S100A9: variants seen among roughly 807,000 people sequenced by gnomAD.
S100A9 encodes S100 calcium binding protein A9.
Under a neutral mutation model 4.3 loss-of-function variants are expected in S100A9, and 2 were observed. The observed-to-expected ratio is 0.47, with a 90% CI of 0.19 to 1.48. S100A9 has a LOEUF of 1.48. S100A9 is among the 40% of genes most tolerant of loss of function. The pLI is 0.24. For synonymous variants in S100A9, 67 were observed against 54.0 expected, an observed-to-expected ratio of 1.24 and a Z score of -1.06; for missense variants, 130 against 144.4, an observed-to-expected ratio of 0.90 and a Z score of 0.51.
intron 2 of S100A9, 103 bp downstream of exon 2, chr1:153,358,536 T>A (rs1571153454): frequency 1.1e-6 from 1 of 949,716 alleles, no homozygotes; most frequent in East Asian, 2.7e-5. Context: ...AGATTTGAGC[T>A]CCTGGAGCCC....
At chr1:153,359,515 A>C (rs1167857638) in intron 2 of S100A9, among the ~76,000 whole-genome samples, 2 of 151,838 alleles carry the variant, frequency 1.3e-5, no homozygotes, top group African/African-American at 2.4e-5. Flanking sequence ...GCAGAGCCTC[A>C]TGGATGGGCT....
chr1:153,360,126 T>C (rs184312081), intron 2 of S100A9, among the ~76,000 whole-genome samples: 3 of 152,156 alleles, frequency 2.0e-5, no homozygotes, highest in Non-Finnish European at 1.5e-5. Context: ...GTTTCACTAA[T>C]TGGTAACCTC....
intron 2 of S100A9, among the ~76,000 whole-genome samples, chr1:153,360,196 A>T (rs1661422731): frequency 6.6e-6 from 1 of 152,174 alleles, no homozygotes; most frequent in South Asian, 2.1e-4. Context: ...AGCAGAGTGG[A>T]ACTGGCCTCT....
chr1:153,358,502 T>C (rs1000484791), intron 2 of S100A9, 69 bp downstream of exon 2: 14 of 1,270,646 alleles, frequency 1.1e-5, no homozygotes, highest in Admixed American at 2.6e-5. Context: ...AGGATGGGAG[T>C]ATGGGCTACA....
chr1:153,360,674 C>T lies in S100A9; in HGVS notation c.181C>T (p.His61Tyr), dbSNP rs764781285. The T allele has an allele frequency of 6.2e-7, 1 of 1,613,572 alleles. No individual in the cohort carries two copies. Among genetic ancestry groups the T allele is most frequent in the Non-Finnish European group, 8.5e-7 (1 of 1,179,674 alleles). The part of the protein sequence containing the change: ...KENKNEKVIE[H>Y]IMEDLDTNAD... ...GAATAAGAATGAAAAGGTCATAGAA[C>T]ACATCATGGAGGACCTGGACACAAA... The change falls in exon 3 of 3, where the codon CAC becomes TAC. Residue 61 changes from histidine to tyrosine, a missense_variant. Coordinates refer to ENST00000368738, the MANE Select transcript of S100A9 (RefSeq NM_002965.4).
In S100A9 at chr1:153,358,414, A is replaced by G; in HGVS notation, c.131A>G (p.Asp44Gly). 1 of 1,610,134 alleles carries G rather than the reference A, an allele frequency of 6.2e-7. No individual in the cohort carries two copies. Among genetic ancestry groups the G allele is most frequent in the Non-Finnish European group, 8.5e-7 (1 of 1,177,836 alleles). ...QGEFKELVRK[D>G]LQNFLKKENK... ...GAATTCAAAGAGCTGGTGCGAAAAG[A>G]TCTGCAAAATTTTCTCAAGGTAGGG... Residue 44 changes from aspartate to glycine, a missense_variant, in exon 2 of 3, where the codon GAT becomes GGT. By Grantham distance (94) the Asp-to-Gly change is moderately conservative. Transcript: ENST00000368738.
intron 2 of S100A9, among the ~76,000 whole-genome samples, chr1:153,359,021 A>G (rs1557838765): frequency 6.6e-6 from 1 of 152,062 alleles, no homozygotes; most frequent in Non-Finnish European, 1.5e-5. Context: ...TGGAAAATGA[A>G]TGCATAAAGA....
chr1:153,359,908 C>G (rs1661416992), intron 2 of S100A9, among the ~76,000 whole-genome samples: 1 of 151,908 alleles, frequency 6.6e-6, no homozygotes, highest in Admixed American at 6.6e-5. Context: ...AGGCTGGTCT[C>G]GAACTCTTGA....
chr1:153,358,200 A>G, intron 1 of S100A9, 69 bp from the exon 2 acceptor site: 2 of 1,064,302 alleles, frequency 1.9e-6, no homozygotes, highest in East Asian at 4.9e-5. Flanking sequence ...AGTGCTTAGT[A>G]GGAAGTGTCA....
At chr1:153,360,313 G>A (rs894626101) in intron 2 of S100A9, among the ~76,000 whole-genome samples, 1 of 152,136 alleles carries the variant, frequency 6.6e-6, no homozygotes, top group Non-Finnish European at 1.5e-5. Context: ...ATTCCTAGCT[G>A]TTAAAGTTGT....
Position 153,360,635 on chromosome 1 carries a change from C to A in S100A9, c.151-9C>A. The A allele has an allele frequency of 1.3e-6, 2 of 1,591,076 alleles. No homozygotes were observed. The highest frequency in any genetic ancestry group is 1.7e-6 in the Non-Finnish European group (2 of 1,163,634). On this transcript the variant is annotated splice_polypyrimidine_tract_variant and intron_variant, in intron 2 of 2. Coordinates refer to ENST00000368738, the MANE Select transcript of S100A9 (RefSeq NM_002965.4). ...CCCAGCTCTCACAGCCTTCTCTCCC[C>A]ACCCGCAGAAGGAGAATAAGAATGA...
At chr1:153,358,178 A>G in intron 1 of S100A9, 91 bp from the exon 2 acceptor site, 2 of 821,084 alleles carry the variant, frequency 2.4e-6, no homozygotes, top group South Asian at 4.6e-5. Context: ...CACTTCCCCC[A>G]CTATTTCTGT....
chr1:153,358,222 C>G (rs778311552), intron 1 of S100A9, 47 bp from the exon 2 acceptor site: 107 of 1,329,034 alleles, frequency 8.1e-5, no homozygotes, highest in Non-Finnish European at 1.0e-4. Flanking sequence ...AGAAGCTTGA[C>G]AGCATTTTCT....
At chr1:153,358,541 G>A (rs371005196) in intron 2 of S100A9, 108 bp downstream of exon 2, 7 of 893,002 alleles carry the variant, frequency 7.8e-6, no homozygotes, top group East Asian at 2.7e-5. Flanking sequence ...TGAGCTCCTG[G>A]AGCCCAGCCC....
intron 2 of S100A9, among the ~76,000 whole-genome samples, chr1:153,360,089 G>A (rs1056037313): frequency 6.6e-6 from 1 of 152,076 alleles, no homozygotes. Flanking sequence ...TTTTCTAGGT[G>A]TTTCCCCGTT....
chr1:153,360,876 G>A lies in S100A9; in HGVS notation c.*38G>A. 6.8e-7 allele frequency: 1 copy of A among 1,476,264 alleles called. No individual in the cohort carries two copies. The highest frequency in any genetic ancestry group is 9.1e-7 in the Non-Finnish European group (1 of 1,096,066). 91.4% of individuals were successfully genotyped at this position (1,476,264 alleles called of 1,614,324 possible). On this transcript the variant is annotated 3_prime_UTR_variant, in exon 3 of 3. Transcript: ENST00000368738. ...CAAGATCACAGTGGCCACGGCCACG[G>A]CCACAGTCATGGTGGCCACGGCCAC...
At position 153,358,361 on chromosome 1, in the gene S100A9, G is replaced by A. The variant is rs1661385450; in HGVS notation, c.78G>A (p.Leu26=). 5.6e-6 allele frequency: 9 copies of A among 1,613,304 alleles called. No individual in the cohort carries two copies. Among genetic ancestry groups the A allele is most frequent in the Non-Finnish European group, 7.6e-6 (9 of 1,179,484 alleles). The change falls in exon 2 of 3, where the codon CTG becomes CTA. Residue 26 remains leucine, a synonymous_variant. Transcript: ENST00000368738. ...CCTTCCACCAATACTCTGTGAAGCTGGGGCACCCAGACACCCTGAACCAGG... is the reference window on the plus strand; with the variant it reads ...CCTTCCACCAATACTCTGTGAAGCTAGGGCACCCAGACACCCTGAACCAGG... ...INTFHQYSVK[L]GHPDTLNQGE...
rs572730527 is a variant in S100A9 at position 153,360,895 on chromosome 1, C to T, written c.*57C>T. ...GCCACGGCCACAGTCATGGTGGCCACGGCCACAGCCACTAATCAGGAGGCC... is the reference window on the plus strand; with the variant it reads ...GCCACGGCCACAGTCATGGTGGCCATGGCCACAGCCACTAATCAGGAGGCC... On this transcript the variant is annotated 3_prime_UTR_variant, in exon 3 of 3. Transcript: ENST00000368738. 1.4e-5 allele frequency: 19 copies of T among 1,330,564 alleles called. No homozygotes were observed. The highest frequency in any genetic ancestry group is 7.9e-5 in the Admixed American group (3 of 37,996). 82.4% of individuals were successfully genotyped at this position (1,330,564 alleles called of 1,614,324 possible). A position where few individuals can be genotyped will look rare whatever the true frequency, so the allele number is the denominator to read the frequency against.
In S100A9 at chr1:153,358,376, C is replaced by A; in HGVS notation, c.93C>A (p.Thr31=). 1.2e-6 allele frequency: 2 copies of A among 1,613,408 alleles called. No homozygotes were observed. Among genetic ancestry groups the A allele is most frequent in the South Asian group, 2.2e-5 (2 of 90,974 alleles). ...QYSVKLGHPD[T]LNQGEFKELV... is the part of the protein sequence containing the mutation. ...CTGTGAAGCTGGGGCACCCAGACAC[C>A]CTGAACCAGGGGGAATTCAAAGAGC... The change falls in exon 2 of 3, where the codon ACC becomes ACA. Residue 31 remains threonine, a synonymous_variant. Coordinates refer to ENST00000368738, the MANE Select transcript of S100A9 (RefSeq NM_002965.4).
Sources: gnomAD v4.1 joint callset for allele counts (sites outside exome capture counted in the v4.1 genomes callset) on GRCh38, gnomAD v4.1.1 for gene constraint, MANE v1.5 for transcripts, NCBI Gene and HGNC (gene_info 2026-07-23, HGNC 2026-07-21) for gene names.